Variants in DOT1L observed in about 807,000 individuals in gnomAD.
DOT1L encodes the protein DOT1 like histone lysine methyltransferase.
Under a neutral mutation model 153.3 loss-of-function variants are expected in DOT1L, and 33 were observed. The ratio of observed to expected loss-of-function variants is 0.22; its 90% CI spans 0.16 to 0.29. The LOEUF (loss-of-function observed/expected upper bound fraction) is 0.29, where lower values mean the gene tolerates loss of function less well. DOT1L is among the 10% of genes least tolerant of loss of function. The pLI is 1.00. For synonymous variants in DOT1L, 1,135 were observed against 965.1 expected, an observed-to-expected ratio of 1.18 and a Z score of -3.26; for missense variants, 1,847 against 2,119.9, an observed-to-expected ratio of 0.87 and a Z score of 2.53.
chr19:2,187,718 C>T (rs144779897), intron 3 of DOT1L, among the ~76,000 whole-genome samples: 13 of 152,180 alleles, frequency 8.5e-5, no homozygotes, highest in Admixed American at 2.0e-4. Context: ...GTCAGGAGAT[C>T]GAGACCATCC....
At chr19:2,185,790 A>G in intron 2 of DOT1L, 65 bp from the exon 3 acceptor site, 1 of 1,562,770 alleles carries the variant, frequency 6.4e-7, no homozygotes, top group South Asian at 1.1e-5. Flanking sequence ...AAAAACAAAA[A>G]CAAAACACAA....
rs372606436 is a variant in DOT1L at position 2,221,995 on chromosome 19, G to T, written c.2826G>T (p.Ser942=). ...CGGCAGGCTTCTCCTACGCTGGCTCGGTGGCCATCAGCGGGGCCTTGGCGG... is the reference window on the plus strand; with the variant it reads ...CGGCAGGCTTCTCCTACGCTGGCTCTGTGGCCATCAGCGGGGCCTTGGCGG... ...LAPAGFSYAG[S]VAISGALAGS... Residue 942 remains serine (S), a synonymous_variant, in exon 24 of 28, where the codon TCG becomes TCT. Transcript: ENST00000398665. 26 of 1,608,910 alleles carry T rather than the reference G, an allele frequency of 1.6e-5. No individual in the cohort carries two copies. The highest frequency in any genetic ancestry group is 1.2e-4 in the African/African-American group (9 of 74,846).
intron 12 of DOT1L, among the ~76,000 whole-genome samples, chr19:2,209,839 C>G (rs1296722795): frequency 1.3e-5 from 2 of 152,018 alleles, no homozygotes; most frequent in Non-Finnish European, 2.9e-5. Flanking sequence ...CCTGGTACCC[C>G]TCGGGGGCCC....
chr19:2,187,271 C>G (rs2022555716), intron 3 of DOT1L, among the ~76,000 whole-genome samples: 2 of 152,208 alleles, frequency 1.3e-5, no homozygotes, highest in African/African-American at 2.4e-5. Flanking sequence ...TAACCTGGGG[C>G]AGTTATGGCA....
At chr19:2,227,697 T>C in intron 27 of DOT1L, 4 of 1,296,972 alleles carry the variant, frequency 3.1e-6, no homozygotes, top group Non-Finnish European at 4.1e-6. Flanking sequence ...GCCTGGATGC[T>C]GCCGCTTGTT....
intron 1 of DOT1L, among the ~76,000 whole-genome samples, chr19:2,169,284 C>G (rs989223523): frequency 6.6e-6 from 1 of 152,024 alleles, no homozygotes; most frequent in South Asian, 2.1e-4. Context: ...AATCCCAGCT[C>G]CCCCGGAGGC....
At position 2,220,369 on chromosome 19, in the gene DOT1L, A is replaced by G. The variant is rs1222730804; in HGVS notation, c.2806+147A>G. On this transcript the variant is annotated intron_variant, in intron 23 of 27. Coordinates refer to ENST00000398665, the MANE Select transcript of DOT1L (RefSeq NM_032482.3). The surrounding 1 kb of genome is among the most constrained non-coding windows in gnomAD (Gnocchi z 4.5). ...CAAACCGCCACGCCTCATTACTGAC[A>G]CCCTTTCCTGCATCCCACGAGCTGG... 2 of 795,314 alleles carry G rather than the reference A, an allele frequency of 2.5e-6. No individual in the cohort carries two copies. Among genetic ancestry groups the G allele is most frequent in the Non-Finnish European group, 4.2e-6 (2 of 472,136 alleles). The allele number at this position is 795,314 out of a possible 1,614,324, so 49.3% of individuals were successfully genotyped here.
rs1159893539 is a variant in DOT1L, at chr19:2,199,907, A to G, written c.675A>G (p.Ser225=). 3.1e-6 allele frequency: 5 copies of G among 1,613,958 alleles called. No individual in the cohort carries two copies. In the Admixed American group the frequency reaches 6.7e-5, roughly 22 times the overall value. The change falls in exon 8 of 28, where the codon TCA becomes TCG. Residue 225 remains serine (S), a synonymous_variant. Transcript: ENST00000398665. The part of the protein sequence containing the change: ...EYTLERGDFL[S]EEWRERIANT... Reference sequence around the variant, plus strand: ...AGTTGGAGAGAGGCGATTTCCTCTCAGAAGAGTGGAGGGAGCGAATCGCCA... The same window carrying G: ...AGTTGGAGAGAGGCGATTTCCTCTCGGAAGAGTGGAGGGAGCGAATCGCCA...
At chr19:2,215,166 G>T (rs1336508941) in intron 19 of DOT1L, among the ~76,000 whole-genome samples, 1 of 152,152 alleles carries the variant, frequency 6.6e-6, no homozygotes, top group African/African-American at 2.4e-5. Flanking sequence ...GCCATATTGA[G>T]GCAAAAAGGG....
chr19:2,227,047 A>C lies in DOT1L; in HGVS notation c.4526A>C (p.His1509Pro), dbSNP rs2144939306. 6.3e-7 allele frequency: 1 copy of C among 1,577,196 alleles called. No individual in the cohort carries two copies. Among genetic ancestry groups the C allele is most frequent in the Non-Finnish European group, 8.6e-7 (1 of 1,167,578 alleles). Reference sequence around the variant, plus strand: ...GTGCCGGCCGCCGCAGGCCTGGTGCACGTGTCGTCCGCTGCCACCAGACTG... The same window carrying C: ...GTGCCGGCCGCCGCAGGCCTGGTGCCCGTGTCGTCCGCTGCCACCAGACTG... ...SSVPAAAGLV[H>P]VSSAATRLTN... The change falls in exon 27 of 28, where the codon CAC (histidine) becomes CCC (proline). Residue 1509 changes from histidine to proline, a missense_variant. His to Pro is a moderately conservative substitution (Grantham distance 77). Coordinates refer to ENST00000398665, the MANE Select transcript of DOT1L (RefSeq NM_032482.3).
intron 25 of DOT1L, among the ~76,000 whole-genome samples, chr19:2,225,054 A>G (rs1479853730): frequency 6.6e-6 from 1 of 152,204 alleles, no homozygotes. Context: ...AGAGGGAGGT[A>G]GGAAGAGAGC....
intron 1 of DOT1L, among the ~76,000 whole-genome samples, chr19:2,179,457 A>G (rs192178829): frequency 1.1e-3 from 170 of 152,022 alleles, no homozygotes; most frequent in African/African-American, 3.7e-3. Flanking sequence ...TGCAACTCTT[A>G]TTGCTTTGGC....
rs1360091101 is a variant in DOT1L, at chr19:2,226,719, A to G, written c.4198A>G (p.Thr1400Ala). The change falls in exon 27 of 28, where the codon ACG becomes GCG. Residue 1400 changes from threonine to alanine, a missense_variant. Coordinates refer to ENST00000398665, the MANE Select transcript of DOT1L (RefSeq NM_032482.3). ...GEGGLPLCGP[T>A]DKTPLLSGKA... ...GGGCGGCCTACCGCTGTGCGGGCCC[A>G]CGGACAAGACCCCACTGCTGAGCGG... The G allele has an allele frequency of 2.4e-5, 37 of 1,563,842 alleles. No homozygotes were observed. The highest frequency in any genetic ancestry group is 2.7e-5 in the Non-Finnish European group (31 of 1,159,516).
intron 27 of DOT1L, chr19:2,228,186 C>T (rs1225842641): frequency 1.5e-6 from 2 of 1,365,266 alleles, no homozygotes. Flanking sequence ...GGGCGCCCGC[C>T]CCTCCTTCAC....
At chr19:2,214,241 G>A in intron 18 of DOT1L, 1 of 878,474 alleles carries the variant, frequency 1.1e-6, no homozygotes. Context: ...GTGGGGTCAT[G>A]CGAGCATCCC....
At position 2,210,489 on chromosome 19, in the gene DOT1L, C is replaced by T. The variant is rs200232623; in HGVS notation, c.1095C>T (p.Ala365=). 22 of 1,593,024 alleles carry T rather than the reference C, an allele frequency of 1.4e-5. No homozygotes were observed. Among genetic ancestry groups the T allele is most frequent in the Middle Eastern group, 1.8e-4 (1 of 5,444 alleles). Residue 365 remains alanine, a synonymous_variant, in exon 13 of 28, where the codon GCC becomes GCT. Transcript: ENST00000398665. ...CTAAGGGCCCAGAGGGCAAGGTGGC[C>T]GGCCCCGCCGACGCCCCCATGGTAA... is the stretch of plus-strand genomic sequence containing the variant. The part of the protein sequence containing the change: ...TPTKGPEGKV[A]GPADAPMDSG...
At chr19:2,209,150 T>C (rs940728853) in intron 12 of DOT1L, among the ~76,000 whole-genome samples, 174 bp downstream of exon 12, 1 of 151,900 alleles carries the variant, frequency 6.6e-6, no homozygotes, top group Non-Finnish European at 1.5e-5. Context: ...CCACTGTCAC[T>C]CCTGGTCCTC....
chr19:2,192,065 A>G, intron 5 of DOT1L, among the ~76,000 whole-genome samples: 1 of 152,134 alleles, frequency 6.6e-6, no homozygotes, highest in Non-Finnish European at 1.5e-5. Context: ...CACAGTGTCT[A>G]GGCTGTCCCT....
intron 1 of DOT1L, among the ~76,000 whole-genome samples, chr19:2,180,464 C>T (rs913731095): frequency 5.3e-5 from 8 of 152,114 alleles, no homozygotes; most frequent in African/African-American, 9.7e-5. Context: ...CATCCCAGGC[C>T]GCTGCCTGCT....
Sources: gnomAD v4.1 joint callset for allele counts (sites outside exome capture counted in the v4.1 genomes callset) on GRCh38, gnomAD v4.1.1 for gene constraint, Gnocchi (gnomAD v3.1) non-coding constraint, MANE v1.5 for transcripts, NCBI Gene and HGNC (gene_info 2026-07-23, HGNC 2026-07-21) for gene names.